The following RHEX variants were observed in gnomAD, a reference collection of about 807,000 sequenced individuals.
RHEX encodes the protein regulator of hemoglobinization and erythroid cell expansion.
A neutral mutation model predicts 20.1 loss-of-function variants in RHEX; 18 were observed. That is an observed-to-expected ratio of 0.90 (90% CI 0.62 to 1.33). The LOEUF is 1.33. Ranked by LOEUF, RHEX falls within the 40% of genes most tolerant of loss-of-function variation. The pLI, the probability that RHEX is intolerant of heterozygous loss-of-function variation, is 0.00. For synonymous variants in RHEX, 87 were observed against 77.1 expected (o/e 1.13, Z -0.67); for missense variants, 192 against 214.3 (o/e 0.90, Z 0.65).
chr1:206,083,693 G>T, intron 1 of RHEX: 2 of 947,740 alleles, frequency 2.1e-6, no homozygotes, highest in Non-Finnish European at 2.5e-6. Context: ...TTAGTTTGAA[G>T]TGTGCATTTG....
At chr1:206,076,645 GACTTCATTAATTC>G (rs1553285299) in intron 1 of RHEX, among the ~76,000 whole-genome samples, 7 of 152,166 alleles carry the variant, frequency 4.6e-5, no homozygotes, top group Non-Finnish European at 1.0e-4. Context: ...CCCCAAATGT[GACTTCATTAATTC>G]AGCCATGTGA....
intron 1 of RHEX, among the ~76,000 whole-genome samples, chr1:206,088,061 A>C (rs1553286592): frequency 6.6e-6 from 1 of 152,202 alleles, no homozygotes; most frequent in Non-Finnish European, 1.5e-5. Flanking sequence ...TCAAGGGTGC[A>C]GTGAGCTTTG....
At chr1:206,078,526 A>C (rs1184037031) in intron 1 of RHEX, among the ~76,000 whole-genome samples, 1 of 152,112 alleles carries the variant, frequency 6.6e-6, no homozygotes, top group African/African-American at 2.4e-5. Flanking sequence ...ATGCCACTGC[A>C]CTCCAGTATG....
intron 1 of RHEX, among the ~76,000 whole-genome samples, chr1:206,066,727 C>T (rs1352894394): frequency 1.3e-5 from 2 of 152,194 alleles, no homozygotes; most frequent in African/African-American, 4.8e-5. Context: ...CTTAGTGAGA[C>T]TGGCTGTACA....
At chr1:206,093,891 C>T (rs1388223937) in intron 1 of RHEX, among the ~76,000 whole-genome samples, 1 of 152,030 alleles carries the variant, frequency 6.6e-6, no homozygotes, top group Non-Finnish European at 1.5e-5. Flanking sequence ...GTCACCCAGG[C>T]TCTTCTCAAA....
intron 4 of RHEX, 130 bp from the exon 5 acceptor site, chr1:206,101,006 C>A: frequency 3.1e-6 from 2 of 638,234 alleles, no homozygotes; most frequent in Middle Eastern, 3.0e-4. Context: ...TTCCCTACCC[C>A]CCCTTTTTGT....
In RHEX at chr1:206,085,559, G is replaced by A. The variant is rs1553286343; in HGVS notation, c.-96-12174G>A. Among the ~76,000 whole-genome samples the A allele has an allele frequency of 2.0e-5, 3 of 152,162 alleles. No homozygotes were observed. In the South Asian group the frequency reaches 6.2e-4, roughly 31 times the overall value. On this transcript the variant is annotated intron_variant, in intron 1 of 5. Coordinates refer to ENST00000331555, the MANE Select transcript of RHEX (RefSeq NM_001007544.4). Reference sequence around the variant, plus strand: ...TGCATCCACATTGCATTCATCTCTAGTAGTTCCTTGCAAAACTGCTTTCCC... The same window carrying A: ...TGCATCCACATTGCATTCATCTCTAATAGTTCCTTGCAAAACTGCTTTCCC...
At chr1:206,056,126 C>T (rs1181736998) in intron 1 of RHEX, among the ~76,000 whole-genome samples, 2 of 152,262 alleles carry the variant, frequency 1.3e-5, no homozygotes, top group Admixed American at 1.3e-4. Context: ...CCACCTTCCT[C>T]CCGGTGTCAG....
In RHEX at chr1:206,101,757, A is replaced by T. The variant is rs28391411; in HGVS notation, c.324A>T (p.Thr108=). ...SCSSPPACQA[T]EDVDYTQVVF... ...GTCTCTGCTTTTCTCCTAAGGCCAC[A>T]GAGGATGTGGATTACACACAAGTCG... Residue 108 remains threonine, a synonymous_variant, in exon 6 of 6, where the codon ACA becomes ACT. Transcript: ENST00000331555. The T allele has an allele frequency of 6.2e-7, 1 of 1,612,040 alleles. No individual in the cohort carries two copies. The highest frequency in any genetic ancestry group is 2.2e-5 in the East Asian group (1 of 44,874).
intron 2 of RHEX, 72 bp downstream of exon 2, chr1:206,097,911 C>T: frequency 7.8e-7 from 1 of 1,277,774 alleles, no homozygotes; most frequent in Non-Finnish European, 1.1e-6. Flanking sequence ...TCCAAGCACA[C>T]ATAGCACCCT....
chr1:206,097,167 G>A lies in RHEX; in HGVS notation c.-96-566G>A, dbSNP rs1259626875. ...TCCATTTGTCTGAGGACTCTGAGGAGGTGAGAGACAGGTAATTTCCTGGAG... is the reference window on the plus strand; with the variant it reads ...TCCATTTGTCTGAGGACTCTGAGGAAGTGAGAGACAGGTAATTTCCTGGAG... On this transcript the variant is annotated intron_variant, in intron 1 of 5. Transcript: ENST00000331555. 2.6e-5 allele frequency among the ~76,000 whole-genome samples: 4 copies of A among 152,260 alleles called. 1 individual carries two copies. Among genetic ancestry groups the A allele is most frequent in the African/African-American group, 9.6e-5 (4 of 41,532 alleles).
At chr1:206,092,871 A>C (rs557461739) in intron 1 of RHEX, among the ~76,000 whole-genome samples, 2 of 152,218 alleles carry the variant, frequency 1.3e-5, no homozygotes, top group African/African-American at 4.8e-5. Context: ...ATGGAAATAA[A>C]GATTTTTTTA....
intron 5 of RHEX, among the ~76,000 whole-genome samples, 159 bp from the exon 6 acceptor site, chr1:206,101,593 C>T (rs1663187683): frequency 6.6e-6 from 1 of 152,158 alleles, no homozygotes; most frequent in African/African-American, 2.4e-5. Context: ...GGTAATCTTC[C>T]TCATTGCCCT....
chr1:206,065,222 C>A (rs1288635432), intron 1 of RHEX, among the ~76,000 whole-genome samples: 1 of 151,900 alleles, frequency 6.6e-6, no homozygotes, highest in African/African-American at 2.4e-5. Context: ...CCACTATTGT[C>A]CTATGACACT....
At position 206,067,767 on chromosome 1, in the gene RHEX, C is replaced by T. The variant is rs1453855677; in HGVS notation, c.-97+14502C>T. 6.6e-6 allele frequency among the ~76,000 whole-genome samples: 1 copy of T among 152,216 alleles called. No homozygotes were observed. Among genetic ancestry groups the T allele is most frequent in the African/African-American group, 2.4e-5 (1 of 41,460 alleles). On this transcript the variant is annotated intron_variant, in intron 1 of 5. Transcript: ENST00000331555. The surrounding 1 kb of genome is among the most constrained non-coding windows in gnomAD (Gnocchi z 4.6). The stretch of plus-strand genomic sequence containing the variant: ...AGTCCCTGCCTCTTTGCAGACAGCC[C>T]CTTCTCTGCCGTGCTGCCCATTGCC...
At chr1:206,082,552 T>C (rs1316576395) in intron 1 of RHEX, among the ~76,000 whole-genome samples, 2 of 152,166 alleles carry the variant, frequency 1.3e-5, no homozygotes, top group Non-Finnish European at 2.9e-5. Flanking sequence ...TACCATCTGT[T>C]GTTCACTACA....
intron 1 of RHEX, among the ~76,000 whole-genome samples, chr1:206,074,842 A>T (rs1662601265): frequency 1.3e-5 from 2 of 152,158 alleles, no homozygotes; most frequent in Admixed American, 1.3e-4. Context: ...AACATTCCCA[A>T]AGGGAAAAAG....
chr1:206,072,018 CT>C (rs1190749342), intron 1 of RHEX, among the ~76,000 whole-genome samples: 1 of 151,826 alleles, frequency 6.6e-6, no homozygotes, highest in African/African-American at 2.4e-5. Context: ...AGTTAAAACC[CT>C]TTTTTTTAGA....
chr1:206,054,998 T>C (rs1662158888), intron 1 of RHEX, among the ~76,000 whole-genome samples: 1 of 152,286 alleles, frequency 6.6e-6, no homozygotes, highest in South Asian at 2.1e-4. Flanking sequence ...ATATTCCATC[T>C]GCACTTTAAA....
Sources: gnomAD v4.1 joint callset for allele counts (sites outside exome capture counted in the v4.1 genomes callset) on GRCh38, gnomAD v4.1.1 for gene constraint, Gnocchi (gnomAD v3.1) non-coding constraint, MANE v1.5 for transcripts, NCBI Gene and HGNC (gene_info 2026-07-23, HGNC 2026-07-21) for gene names.